CADM2: variants seen among roughly 807,000 people sequenced by gnomAD.
CADM2 encodes cell adhesion molecule 2, also known as immunoglobulin superfamily member 4D.
Under a neutral mutation model 49.8 loss-of-function variants are expected in CADM2, and 12 were observed. The observed-to-expected ratio is 0.24, with a 90% confidence interval of 0.15 to 0.39. The LOEUF is 0.39. CADM2 is among the 10% of genes least tolerant of loss of function. CADM2 has a pLI of 1.00. For synonymous variants in CADM2, 214 were observed against 175.4 expected (o/e 1.22, Z -1.74); for missense variants, 378 against 492.3 (o/e 0.77, Z 2.20).
intron 1 of CADM2, among the ~76,000 whole-genome samples, chr3:85,226,433 A>T (rs1321516514): frequency 6.6e-6 from 1 of 152,006 alleles, no homozygotes; most frequent in Admixed American, 6.6e-5. Flanking sequence ...GTATTCTCTG[A>T]TGGTAGTTTG....
At chr3:85,760,752 A>G (rs1302729498) in intron 2 of CADM2, among the ~76,000 whole-genome samples, 1 of 152,208 alleles carries the variant, frequency 6.6e-6, no homozygotes, top group Non-Finnish European at 1.5e-5. Flanking sequence ...ACATTAAGAT[A>G]AATTATATTG....
intron 1 of CADM2, among the ~76,000 whole-genome samples, chr3:85,289,413 C>A (rs963272345): frequency 2.0e-5 from 3 of 152,146 alleles, no homozygotes; most frequent in African/African-American, 7.2e-5. Context: ...GTATAAAATA[C>A]TGAATGATAT....
intron 1 of CADM2, among the ~76,000 whole-genome samples, chr3:85,206,155 A>G (rs1287074753): frequency 6.6e-6 from 1 of 152,094 alleles, no homozygotes; most frequent in Non-Finnish European, 1.5e-5. Context: ...TGTTTGTTAC[A>G]GATAATACTA....
At chr3:85,274,752 T>A (rs2043318558) in intron 1 of CADM2, among the ~76,000 whole-genome samples, 1 of 151,508 alleles carries the variant, frequency 6.6e-6, no homozygotes, top group African/African-American at 2.4e-5. Context: ...CTTGTCTTCG[T>A]GGAGTTTCAT....
At chr3:85,539,539 C>G (rs1413534721) in intron 1 of CADM2, among the ~76,000 whole-genome samples, 3 of 151,984 alleles carry the variant, frequency 2.0e-5, no homozygotes, top group Non-Finnish European at 4.4e-5. Flanking sequence ...CTCTTTCATT[C>G]CAAATTTTCT....
chr3:85,668,036 C>G (rs980333964), intron 1 of CADM2, among the ~76,000 whole-genome samples: 4 of 152,008 alleles, frequency 2.6e-5, no homozygotes, highest in East Asian at 1.9e-4. Flanking sequence ...CTTCAACAAA[C>G]GTTGGCTTAT....
At chr3:86,054,958 G>A (rs2107348189) in intron 8 of CADM2, among the ~76,000 whole-genome samples, 1 of 152,174 alleles carries the variant, frequency 6.6e-6, no homozygotes, top group Non-Finnish European at 1.5e-5. Flanking sequence ...AGTGATGTGT[G>A]AAGAGTTTGG....
chr3:86,005,048 C>A (rs1367406848), intron 8 of CADM2, among the ~76,000 whole-genome samples: 4 of 152,126 alleles, frequency 2.6e-5, no homozygotes, highest in South Asian at 4.1e-4. Flanking sequence ...ATGTCTTGCT[C>A]CATTTATTGT....
intron 5 of CADM2, among the ~76,000 whole-genome samples, chr3:85,905,481 T>G (rs1012042116): frequency 2.6e-5 from 4 of 152,254 alleles, no homozygotes; most frequent in Admixed American, 2.0e-4. Flanking sequence ...CCTGGCTGAT[T>G]GCAACCTTTA....
chr3:86,050,333 G>T (rs550303793), intron 8 of CADM2, among the ~76,000 whole-genome samples: 1 of 152,326 alleles, frequency 6.6e-6, no homozygotes, highest in East Asian at 1.9e-4. Context: ...CCATTCCTGT[G>T]ACTTTGCAGA....
chr3:85,575,176 ATCCGTAAGT>A (rs1362652595), intron 1 of CADM2, among the ~76,000 whole-genome samples: 1 of 152,134 alleles, frequency 6.6e-6, no homozygotes, highest in Non-Finnish European at 1.5e-5. Flanking sequence ...ATTTATGTGT[ATCCGTAAGT>A]TCCTTTTTTG....
intron 1 of CADM2, among the ~76,000 whole-genome samples, chr3:85,107,854 C>T (rs1050631290): frequency 2.0e-5 from 3 of 151,714 alleles, no homozygotes; most frequent in African/African-American, 4.8e-5. Flanking sequence ...CCTGCACCAT[C>T]ACACCCAGCT....
chr3:85,297,455 A>AT (rs2043994254), intron 1 of CADM2, among the ~76,000 whole-genome samples: 1 of 151,964 alleles, frequency 6.6e-6, no homozygotes, highest in African/African-American at 2.4e-5. Flanking sequence ...TTTGGATGAC[A>AT]TTTTTGTTAT....
intron 2 of CADM2, among the ~76,000 whole-genome samples, chr3:85,746,303 T>C (rs926999471): frequency 1.3e-5 from 2 of 152,190 alleles, no homozygotes; most frequent in Admixed American, 1.3e-4. Flanking sequence ...CTGTTGATCA[T>C]TAGCACTGTT....
At chr3:85,110,580 A>G (rs1267334548) in intron 1 of CADM2, among the ~76,000 whole-genome samples, 1 of 151,974 alleles carries the variant, frequency 6.6e-6, no homozygotes, top group African/African-American at 2.4e-5. Context: ...TCATAGATCA[A>G]TGAGTCATGC....
At chr3:85,921,754 A>T (rs1284267337) in intron 6 of CADM2, among the ~76,000 whole-genome samples, 1 of 148,020 alleles carries the variant, frequency 6.8e-6, no homozygotes, top group Non-Finnish European at 1.5e-5. Context: ...ATCTACTGTT[A>T]TCTCTCTCTC....
chr3:85,767,758 A>G (rs1327924115), intron 2 of CADM2, among the ~76,000 whole-genome samples: 1 of 152,186 alleles, frequency 6.6e-6, no homozygotes, highest in Non-Finnish European at 1.5e-5. Flanking sequence ...CACATTAAAA[A>G]GTGGGTTACA....
intron 1 of CADM2, among the ~76,000 whole-genome samples, chr3:85,324,407 G>A (rs1175649587): frequency 6.6e-6 from 1 of 152,066 alleles, no homozygotes; most frequent in Non-Finnish European, 1.5e-5. Flanking sequence ...CTTAATGATT[G>A]TATCAATTAA....
intron 1 of CADM2, among the ~76,000 whole-genome samples, chr3:85,461,328 G>A (rs1481010470): frequency 6.6e-6 from 1 of 152,062 alleles, no homozygotes; most frequent in Non-Finnish European, 1.5e-5. Flanking sequence ...CTAAAGACAA[G>A]CAGATATGAT....
Sources: allele counts gnomAD v4.1 joint callset (sites outside exome capture counted in the v4.1 genomes callset), GRCh38; gene constraint gnomAD v4.1.1; transcripts MANE v1.5; gene names NCBI Gene and HGNC (gene_info 2026-07-23, HGNC 2026-07-21).